Variants in ACOT7 observed in about 807,000 individuals in gnomAD.
ACOT7 encodes the protein cytosolic acyl coenzyme A thioester hydrolase.
Under a neutral mutation model 40.2 loss-of-function variants are expected in ACOT7, and 12 were observed. The observed-to-expected ratio is 0.30, with a 90% CI of 0.19 to 0.48. The LOEUF is 0.48. Among genes scored for constraint, ACOT7 ranks in the 20% least tolerant of loss-of-function variants. ACOT7 has a pLI of 0.99. For synonymous variants in ACOT7, 228 were observed against 219.5 expected, an observed-to-expected ratio of 1.04 and a Z score of -0.34; for missense variants, 395 against 530.8, an observed-to-expected ratio of 0.74 and a Z score of 2.51.
chr1:6,387,939 T>C (rs944830704), intron 1 of ACOT7, among the ~76,000 whole-genome samples: 1 of 149,396 alleles, frequency 6.7e-6, no homozygotes, highest in Non-Finnish European at 1.5e-5. Flanking sequence ...TCTTTGTTTT[T>C]TTTTTTTTCT....
intron 1 of ACOT7, among the ~76,000 whole-genome samples, chr1:6,362,451 A>G (rs1641912273): frequency 6.6e-6 from 1 of 152,048 alleles, no homozygotes; most frequent in African/African-American, 2.4e-5. Flanking sequence ...AAGAAAAAAA[A>G]AAGTCAAGAG....
At chr1:6,388,814 G>C (rs906408057) in intron 1 of ACOT7, among the ~76,000 whole-genome samples, 1 of 149,598 alleles carries the variant, frequency 6.7e-6, no homozygotes, top group Non-Finnish European at 1.5e-5. Context: ...CAAGGTGGGA[G>C]GACCACAGGG....
Position 6,330,292 on chromosome 1 carries a change from G to C in ACOT7, c.511-2879C>G, listed in dbSNP as rs1157354474. 6.6e-6 allele frequency among the ~76,000 whole-genome samples: 1 copy of C among 152,190 alleles called. No homozygotes were observed. Among genetic ancestry groups the C allele is most frequent in the African/African-American group, 2.4e-5 (1 of 41,438 alleles). The stretch of plus-strand genomic sequence containing the variant: ...AGCAGATGGGCATAAATGCCCATCG[G>C]AGCCAGGGAAGGAAGCTGTACTTTC... On this transcript the variant is annotated intron_variant, in intron 4 of 8. Coordinates refer to ENST00000361521, the MANE Select transcript of ACOT7 (RefSeq NM_007274.4). The surrounding 1 kb of genome is among the most constrained non-coding windows in gnomAD (Gnocchi z 4.6).
intron 8 of ACOT7, among the ~76,000 whole-genome samples, chr1:6,269,628 C>T (rs919203483): frequency 6.6e-6 from 1 of 152,256 alleles, no homozygotes; most frequent in Non-Finnish European, 1.5e-5. Context: ...GCAACGGGCC[C>T]CAAGGCGGCT....
Position 6,289,639 on chromosome 1 carries a change from G to A in ACOT7, c.829+5225C>T, listed in dbSNP as rs1639609447. Among the ~76,000 whole-genome samples, 1 of 152,040 alleles carries A rather than the reference G, an allele frequency of 6.6e-6. No individual in the cohort carries two copies. The highest frequency in any genetic ancestry group is 2.1e-4 in the South Asian group (1 of 4,814). On this transcript the variant is annotated intron_variant, in intron 7 of 8. Coordinates refer to ENST00000361521, the MANE Select transcript of ACOT7 (RefSeq NM_007274.4). The surrounding 1 kb of genome is among the most constrained non-coding windows in gnomAD (Gnocchi z 4.6). ...TCTTCCTGCCTCAGCCTCACAAAGT[G>A]TTGGAATTACAAGCGTGAGCCACTG...
chr1:6,332,488 G>T (rs1640983166), intron 4 of ACOT7, among the ~76,000 whole-genome samples: 1 of 152,252 alleles, frequency 6.6e-6, no homozygotes, highest in Non-Finnish European at 1.5e-5. Context: ...GCCCATGGCA[G>T]GACCCCTCTG....
chr1:6,341,660 T>C (rs113855448), intron 2 of ACOT7, among the ~76,000 whole-genome samples: 6,095 of 152,176 alleles, frequency 0.04, 260 homozygotes, highest in African/African-American at 0.11. Context: ...GAGAATGGCG[T>C]GAACCCGGGA....
intron 1 of ACOT7, among the ~76,000 whole-genome samples, chr1:6,387,363 A>G (rs1642457261): frequency 2.6e-5 from 4 of 152,132 alleles, no homozygotes; most frequent in Non-Finnish European, 4.4e-5. Flanking sequence ...CCTACCTTAA[A>G]AAAAAAAGCA....
chr1:6,370,037 G>A (rs1411788988), intron 1 of ACOT7, among the ~76,000 whole-genome samples: 1 of 152,198 alleles, frequency 6.6e-6, no homozygotes, highest in Non-Finnish European at 1.5e-5. Flanking sequence ...AATAGGAAGT[G>A]TTTGGGTCAC....
At chr1:6,379,467 T>C (rs941644126) in intron 1 of ACOT7, among the ~76,000 whole-genome samples, 1 of 151,704 alleles carries the variant, frequency 6.6e-6, no homozygotes, top group Admixed American at 6.6e-5. Context: ...TATGTAACTT[T>C]TTTTTTTTGA....
intron 6 of ACOT7, among the ~76,000 whole-genome samples, chr1:6,304,213 G>GT (rs1445609034): frequency 3.3e-5 from 5 of 151,568 alleles, no homozygotes; most frequent in African/African-American, 1.2e-4. Flanking sequence ...TGAAGGGTTT[G>GT]TGTTCATCAC....
intron 1 of ACOT7, among the ~76,000 whole-genome samples, chr1:6,388,648 G>A (rs1642481001): frequency 6.8e-6 from 1 of 148,006 alleles, no homozygotes. Flanking sequence ...CTGAGGAGAG[G>A]AGAATTGCTT....
intron 2 of ACOT7, among the ~76,000 whole-genome samples, chr1:6,343,779 A>G (rs1368486976): frequency 6.6e-6 from 1 of 152,284 alleles, no homozygotes; most frequent in Non-Finnish European, 1.5e-5. Flanking sequence ...TAAGTACATT[A>G]CGGTATGCTA....
At chr1:6,300,718 G>T (rs1305730969) in intron 6 of ACOT7, among the ~76,000 whole-genome samples, 1 of 139,162 alleles carries the variant, frequency 7.2e-6, no homozygotes, top group Non-Finnish European at 1.5e-5. Context: ...CACAAACACG[G>T]AATCTCACCA....
chr1:6,294,888 T>C lies in ACOT7; in HGVS notation c.805A>G (p.Asn269Asp), dbSNP rs1468867755. The C allele has an allele frequency of 6.2e-7, 1 of 1,614,080 alleles. No homozygotes were observed. The highest frequency in any genetic ancestry group is 1.1e-5 in the South Asian group (1 of 91,086). ...NIVTASVDAI[N>D]FHDKIRKGCV... is the part of the protein sequence containing the mutation. ...CCTTTTCTGATCTTGTCATGAAAAT[T>C]AATGGCGTCCACGGAAGCTGTGACG... Residue 269 changes from asparagine (N) to aspartate (D), a missense_variant, in exon 7 of 9, where the codon AAT (asparagine) becomes GAT (aspartate). This residue lies in a region of ACOT7 where 309 missense variants were observed against 470.3 expected (regional missense o/e 0.66). Coordinates refer to ENST00000361521, the MANE Select transcript of ACOT7 (RefSeq NM_007274.4). The surrounding 1 kb of genome is among the most constrained non-coding windows in gnomAD (Gnocchi z 4.6).
intron 1 of ACOT7, among the ~76,000 whole-genome samples, chr1:6,392,666 G>C (rs369032124): frequency 6.6e-6 from 1 of 152,204 alleles, no homozygotes; most frequent in Non-Finnish European, 1.5e-5. Context: ...AGTATTATCT[G>C]TTCTTCCTTT....
At chr1:6,276,755 GCCTGC>G (rs1313819743) in intron 8 of ACOT7, among the ~76,000 whole-genome samples, 2 of 152,068 alleles carry the variant, frequency 1.3e-5, no homozygotes, top group Admixed American at 1.3e-4. Context: ...TCTCCGGGCA[GCCTGC>G]CCCGCCAGTG....
At chr1:6,372,082 C>T (rs2148474201) in intron 1 of ACOT7, among the ~76,000 whole-genome samples, 1 of 152,132 alleles carries the variant, frequency 6.6e-6, no homozygotes, top group Non-Finnish European at 1.5e-5. Flanking sequence ...GTGTAGCCAC[C>T]CTCACCGGTG....
At chr1:6,305,506 C>A (rs993735539) in intron 6 of ACOT7, among the ~76,000 whole-genome samples, 14 of 151,294 alleles carry the variant, frequency 9.3e-5, no homozygotes, top group Non-Finnish European at 1.9e-4. Flanking sequence ...CTTCTCACTT[C>A]TCAGACGGGG....
Sources: allele counts gnomAD v4.1 joint callset (sites outside exome capture counted in the v4.1 genomes callset), GRCh38; gene constraint gnomAD v4.1.1; regional missense constraint gnomAD v4.1.1; non-coding constraint Gnocchi (gnomAD v3.1); transcripts MANE v1.5; gene names NCBI Gene and HGNC (gene_info 2026-07-23, HGNC 2026-07-21).